Variants in SLC30A7 observed in about 807,000 individuals in gnomAD.
The protein encoded by SLC30A7 is zinc transporter 7.
A neutral mutation model predicts 46.0 loss-of-function variants in SLC30A7; 35 were observed. The ratio of observed to expected loss-of-function variants is 0.76; its 90% confidence interval spans 0.58 to 1.01. The LOEUF is 1.01. Among genes scored for constraint, SLC30A7 ranks in the 50% least tolerant of loss-of-function variants. SLC30A7 has a pLI of 0.00. For synonymous variants in SLC30A7, 147 were observed against 157.8 expected (o/e 0.93, Z 0.51); for missense variants, 464 against 451.1 (o/e 1.03, Z -0.26).
chr1:100,968,957 C>T (rs1286690738), intron 10 of SLC30A7, among the ~76,000 whole-genome samples: 3 of 152,094 alleles, frequency 2.0e-5, no homozygotes, highest in South Asian at 2.1e-4. Flanking sequence ...ACCACAAGCT[C>T]AAAAAGATCT....
At chr1:100,960,043 C>T (rs1028005278) in intron 8 of SLC30A7, among the ~76,000 whole-genome samples, 1 of 152,140 alleles carries the variant, frequency 6.6e-6, no homozygotes, top group Non-Finnish European at 1.5e-5. Context: ...TTAAGGGTGA[C>T]ATCTAATTTT....
At chr1:100,925,605 G>C (rs188436123) in intron 8 of SLC30A7, among the ~76,000 whole-genome samples, 285 of 152,268 alleles carry the variant, frequency 1.9e-3, no homozygotes, top group African/African-American at 6.7e-3. Flanking sequence ...GTGTGGGTCA[G>C]GGTTGAGTGA....
At chr1:100,974,696 C>A in intron 10 of SLC30A7, 114 bp from the exon 11 acceptor site, 1 of 681,914 alleles carries the variant, frequency 1.5e-6, no homozygotes, top group Non-Finnish European at 2.2e-6. Flanking sequence ...TGAAATGATT[C>A]TTTTCTTTTT....
At chr1:100,942,127 C>T (rs1273435937) in intron 8 of SLC30A7, 1 of 179,634 alleles carries the variant, frequency 5.6e-6, no homozygotes, top group Non-Finnish European at 1.2e-5. Flanking sequence ...TGCATTGAGA[C>T]ACCACTTCTT....
rs944429846 is a variant in SLC30A7, at chr1:100,914,560, C to G, written c.655+754C>G. On this transcript the variant is annotated intron_variant, in intron 6 of 10. Transcript: ENST00000357650. ...TGTTTTTTTTAGAAATCTTTGGATGCTAACTTATGTAGCATTGGGTACTAA... is the reference window on the plus strand; with the variant it reads ...TGTTTTTTTTAGAAATCTTTGGATGGTAACTTATGTAGCATTGGGTACTAA... Among the ~76,000 whole-genome samples the G allele has an allele frequency of 2.0e-5, 3 of 152,168 alleles. No individual in the cohort carries two copies. The East Asian group carries it at 5.8e-4, about 29-fold the overall frequency.
At chr1:100,986,726 A>G (rs148951315), downstream of SLC30A7, among the ~76,000 whole-genome samples, 183 of 152,360 alleles carry the variant, frequency 1.2e-3, no homozygotes, top group African/African-American at 4.1e-3. Context: ...GATAAACTGT[A>G]GTCTATCCAT....
chr1:100,983,375 C>CAAAAAAAAAAAAAAAAAAAAAAAAAA (rs779529890), downstream of SLC30A7, among the ~76,000 whole-genome samples: 1 of 76,458 alleles, frequency 1.3e-5, no homozygotes, highest in African/African-American at 4.9e-5. Flanking sequence ...TACTTTGAGG[C>CAAAAAAAAAAAAAAAAAAAAAAAAAA]AAAAAAAAAA....
At chr1:100,972,834 C>G (rs897568390) in intron 10 of SLC30A7, among the ~76,000 whole-genome samples, 8 of 151,814 alleles carry the variant, frequency 5.3e-5, no homozygotes, top group African/African-American at 1.9e-4. Flanking sequence ...GAATATCTGT[C>G]AAATATTGGA....
intron 10 of SLC30A7, 39 bp from the exon 11 acceptor site, chr1:100,974,771 T>C (rs1219628973): frequency 6.5e-7 from 1 of 1,533,144 alleles, no homozygotes; most frequent in Non-Finnish European, 8.9e-7. Flanking sequence ...TGTTATTAGC[T>C]TGTTAGATTT....
chr1:100,932,978 CTT>C (rs995801710), intron 8 of SLC30A7, among the ~76,000 whole-genome samples: 3,116 of 137,988 alleles, frequency 0.023, 89 homozygotes, highest in African/African-American at 0.074. Flanking sequence ...TTTCTTTTTT[CTT>C]TTTTTTTTTT....
At chr1:100,994,308 A>AT in the SLC30A7 span, among the ~76,000 whole-genome samples, 2 of 152,184 alleles carry the variant, frequency 1.3e-5, no homozygotes, top group African/African-American at 4.8e-5. Context: ...ACAGAGTATC[A>AT]TTTTTTAATT....
chr1:100,941,797 G>A (rs971057019), intron 8 of SLC30A7: 2 of 592,074 alleles, frequency 3.4e-6, no homozygotes, highest in African/African-American at 3.7e-5. Context: ...AAAGCCCCTG[G>A]AGTGGCATAC....
At chr1:100,982,021 C>T (rs942044589), downstream of SLC30A7, among the ~76,000 whole-genome samples, 1 of 152,160 alleles carries the variant, frequency 6.6e-6, no homozygotes, top group African/African-American at 2.4e-5. Context: ...TTCCATCACT[C>T]CCAAGTTGTT....
intron 8 of SLC30A7, 143 bp downstream of exon 8, chr1:100,921,984 C>T (rs1409253773): frequency 4.3e-5 from 31 of 727,074 alleles, no homozygotes; most frequent in Admixed American, 2.1e-4. Context: ...GACAGAGTCT[C>T]GCTCTGTCAC....
chr1:100,937,259 G>A (rs1654025214), intron 8 of SLC30A7, among the ~76,000 whole-genome samples: 1 of 152,140 alleles, frequency 6.6e-6, no homozygotes, highest in Non-Finnish European at 1.5e-5. Context: ...GGGAGGTTTT[G>A]AATTATTTAT....
At chr1:100,949,750 A>T (rs1654857323) in intron 8 of SLC30A7, among the ~76,000 whole-genome samples, 1 of 152,200 alleles carries the variant, frequency 6.6e-6, no homozygotes, top group East Asian at 1.9e-4. Flanking sequence ...AGGCTGCAGC[A>T]TTGCAGGTCG....
chr1:100,989,011 T>G, the SLC30A7 span, among the ~76,000 whole-genome samples: 10 of 152,064 alleles, frequency 6.6e-5, no homozygotes, highest in East Asian at 1.9e-3. Flanking sequence ...TCAATGAATT[T>G]ACTAAGTAAA....
At chr1:100,915,193 T>TTTCTTTCTTTCTTTCTTTC (rs1436015312) in intron 6 of SLC30A7, among the ~76,000 whole-genome samples, 2 of 90,788 alleles carry the variant, frequency 2.2e-5, no homozygotes, top group Non-Finnish European at 4.4e-5. Flanking sequence ...CTTTTCTTTC[T>TTTCTTTCTTTCTTTCTTTC]TTTCTTTCTT....
intron 8 of SLC30A7, among the ~76,000 whole-genome samples, chr1:100,950,344 G>T (rs1285715420): frequency 6.6e-6 from 1 of 152,152 alleles, no homozygotes; most frequent in East Asian, 1.9e-4. Flanking sequence ...TTCTCACAGT[G>T]TTATTTAAAA....
Sources: allele counts gnomAD v4.1 joint callset (sites outside exome capture counted in the v4.1 genomes callset), GRCh38; gene constraint gnomAD v4.1.1; transcripts MANE v1.5; gene names NCBI Gene and HGNC (gene_info 2026-07-23, HGNC 2026-07-21).